The following ABHD12 variants were observed in gnomAD, a reference collection of about 807,000 sequenced individuals.
The protein encoded by ABHD12 is lysophosphatidylserine lipase ABHD12.
In ABHD12, 43 loss-of-function variants were observed where a neutral mutation model predicts 58.3. That is an observed-to-expected ratio of 0.74 (90% confidence interval 0.58 to 0.95). ABHD12 has a LOEUF of 0.95. ABHD12 is among the 40% of genes least tolerant of loss of function. The pLI, the probability that ABHD12 is intolerant of heterozygous loss-of-function variation, is 0.00. For synonymous variants in ABHD12, 219 were observed against 211.2 expected (o/e 1.04, Z -0.32); for missense variants, 539 against 537.2 (o/e 1.00, Z -0.03).
intron 1 of ABHD12, among the ~76,000 whole-genome samples, chr20:25,385,781 A>G (rs1286230528): frequency 6.6e-6 from 1 of 152,188 alleles, no homozygotes; most frequent in Non-Finnish European, 1.5e-5. Context: ...AATAATTTAA[A>G]AAATTCTTAA....
At chr20:25,331,414 A>G (rs2089273584) in intron 2 of ABHD12, among the ~76,000 whole-genome samples, 1 of 152,248 alleles carries the variant, frequency 6.6e-6, no homozygotes, top group Admixed American at 6.5e-5. Context: ...TCCCCAATCT[A>G]GCAAGGCAGG....
intron 2 of ABHD12, among the ~76,000 whole-genome samples, chr20:25,331,603 C>T (rs4586698): frequency 0.86 from 131,289 of 152,068 alleles, 56,826 homozygotes; most frequent in African/African-American, 0.92. Flanking sequence ...TAAAAGCAGA[C>T]CTCTCGGCAG....
At chr20:25,351,379 C>T (rs962523451) in intron 1 of ABHD12, among the ~76,000 whole-genome samples, 5 of 152,216 alleles carry the variant, frequency 3.3e-5, no homozygotes, top group African/African-American at 1.2e-4. Flanking sequence ...ACCACCATCA[C>T]TTTCTTTGGG....
chr20:25,381,315 T>C (rs1265693231), intron 1 of ABHD12, among the ~76,000 whole-genome samples: 1 of 152,178 alleles, frequency 6.6e-6, no homozygotes, highest in South Asian at 2.1e-4. Flanking sequence ...CATGACATCA[T>C]GTGTTTCTTC....
At chr20:25,331,153 A>G (rs1398660650) in intron 2 of ABHD12, among the ~76,000 whole-genome samples, 1 of 152,242 alleles carries the variant, frequency 6.6e-6, no homozygotes, top group African/African-American at 2.4e-5. Context: ...AGGCTCGAGA[A>G]CTACGTGAAG....
chr20:25,353,667 A>AG (rs2089631381), intron 1 of ABHD12, among the ~76,000 whole-genome samples: 1 of 152,154 alleles, frequency 6.6e-6, no homozygotes, highest in Non-Finnish European at 1.5e-5. Context: ...CTCTTACGGG[A>AG]GAGTTGCTGT....
chr20:25,303,708 G>A (rs1439865419), intron 10 of ABHD12, 80 bp from the exon 11 acceptor site: 16 of 1,583,124 alleles, frequency 1.0e-5, no homozygotes, highest in East Asian at 6.8e-5. Context: ...GCAGGGATCT[G>A]GGTTCAGGGT....
intron 6 of ABHD12, among the ~76,000 whole-genome samples, chr20:25,311,296 A>C (rs961388153): frequency 6.6e-6 from 1 of 152,176 alleles, no homozygotes; most frequent in Admixed American, 6.5e-5. Flanking sequence ...TCAGAGAAAA[A>C]GGGAGAGGAG....
chr20:25,327,686 G>GTTT (rs1289668114), intron 2 of ABHD12, among the ~76,000 whole-genome samples: 1 of 152,066 alleles, frequency 6.6e-6, no homozygotes, highest in African/African-American at 2.4e-5. Context: ...CCTTGCCTGG[G>GTTT]GACTAGACTG....
intron 3 of ABHD12, 69 bp from the exon 4 acceptor site, chr20:25,320,387 TG>T: frequency 6.2e-7 from 1 of 1,600,078 alleles, no homozygotes; most frequent in Non-Finnish European, 8.5e-7. Flanking sequence ...CGACTGCACG[TG>T]GTGTTACTTA....
chr20:25,370,096 T>A (rs1223881423), intron 1 of ABHD12, among the ~76,000 whole-genome samples: 1 of 152,138 alleles, frequency 6.6e-6, no homozygotes, highest in East Asian at 1.9e-4. Context: ...CCTACTTAAA[T>A]TGATTACAGT....
downstream of ABHD12, chr20:25,295,815 G>A (rs1394749560): frequency 8.8e-6 from 8 of 910,230 alleles, no homozygotes; most frequent in Non-Finnish European, 1.2e-5. Context: ...TCAGTCGGCT[G>A]TGCCTGCCTT....
At chr20:25,386,004 G>A (rs1349043021) in intron 1 of ABHD12, among the ~76,000 whole-genome samples, 1 of 151,778 alleles carries the variant, frequency 6.6e-6, no homozygotes, top group Non-Finnish European at 1.5e-5. Flanking sequence ...GGGAGGCTGA[G>A]GCAGGAGAAT....
intron 1 of ABHD12, among the ~76,000 whole-genome samples, chr20:25,375,120 T>C (rs1342798371): frequency 1.3e-5 from 2 of 152,172 alleles, no homozygotes; most frequent in African/African-American, 4.8e-5. Context: ...GGTTAGACCA[T>C]ATGAAGACAC....
At chr20:25,314,998 G>A (rs2088933442) in intron 5 of ABHD12, 28 bp from the exon 6 acceptor site, 2 of 1,613,682 alleles carry the variant, frequency 1.2e-6, no homozygotes. Flanking sequence ...AACATCTTTG[G>A]CAACAAATCC....
chr20:25,375,596 C>T (rs1487358027), intron 1 of ABHD12, among the ~76,000 whole-genome samples: 1 of 152,208 alleles, frequency 6.6e-6, no homozygotes, highest in Non-Finnish European at 1.5e-5. Context: ...CGTGGCTCCC[C>T]TCCCTGTGCC....
At chr20:25,361,080 T>TA (rs1171823585) in intron 1 of ABHD12, among the ~76,000 whole-genome samples, 4 of 152,234 alleles carry the variant, frequency 2.6e-5, no homozygotes, top group Admixed American at 6.5e-5. Flanking sequence ...CAACAAAAGA[T>TA]ACAGGGCCCA....
At chr20:25,308,555 C>G (rs899046877) in intron 7 of ABHD12, 61 bp from the exon 8 acceptor site, 8 of 1,554,938 alleles carry the variant, frequency 5.1e-6, no homozygotes, top group Non-Finnish European at 7.0e-6. Context: ...ATGATATGGG[C>G]CTTATGCTGG....
chr20:25,311,019 G>A (rs2088840291), intron 6 of ABHD12, among the ~76,000 whole-genome samples: 2 of 152,330 alleles, frequency 1.3e-5, no homozygotes, highest in East Asian at 1.9e-4. Context: ...TGGAGAGAAG[G>A]AGAGGGCAAA....
Sources: allele counts gnomAD v4.1 joint callset (sites outside exome capture counted in the v4.1 genomes callset), GRCh38; gene constraint gnomAD v4.1.1; transcripts MANE v1.5; gene names NCBI Gene and HGNC (gene_info 2026-07-23, HGNC 2026-07-21).